DST: variants seen among roughly 807,000 people sequenced by gnomAD.
The protein encoded by DST is bullous pemphigoid antigen.
Under a neutral mutation model 875.2 loss-of-function variants are expected in DST, and 253 were observed. That is an observed-to-expected ratio of 0.29 (90% CI 0.26 to 0.32). DST has a LOEUF of 0.32. Ranked by LOEUF, DST falls within the 10% of genes least tolerant of loss-of-function variation. DST has a pLI of 1.00. For missense variants in DST, 8,287 were observed against 9,111.6 expected (o/e 0.91, Z 3.68); for synonymous variants, 3,124 against 3,197.1 (o/e 0.98, Z 0.77).
At chr6:56,843,879 C>A in intron 4 of DST, 1 of 187,274 alleles carries the variant, frequency 5.3e-6, no homozygotes, top group East Asian at 1.8e-4. Context: ...GGCCCCCTCC[C>A]CAGGCCCGCC....
At chr6:56,729,536 G>A (rs923624450) in intron 5 of DST, among the ~76,000 whole-genome samples, 2 of 151,854 alleles carry the variant, frequency 1.3e-5, no homozygotes, top group African/African-American at 4.8e-5. Flanking sequence ...ATTGCGGGGA[G>A]GCAGAGGTTG....
chr6:56,943,413 A>ATTTCCT (rs1173275279), intron 2 of DST, among the ~76,000 whole-genome samples: 9 of 146,724 alleles, frequency 6.1e-5, no homozygotes, highest in African/African-American at 2.3e-4. Flanking sequence ...TTTTCAACTC[A>ATTTCCT]TTTTCTTTTT....
chr6:56,518,239 A>T (rs1338397577), intron 69 of DST, among the ~76,000 whole-genome samples: 1 of 152,190 alleles, frequency 6.6e-6, no homozygotes, highest in African/African-American at 2.4e-5. Flanking sequence ...TTTCCTGATC[A>T]TAACAGTAAT....
Position 56,604,412 on chromosome 6 carries a change from G to C in DST, c.10216C>G (p.Pro3406Ala), listed in dbSNP as rs1218783084. Reference protein sequence around the residue: ...SQLVNEASTVPSDSQMSDSSG... With the variant: ...SQLVNEASTVASDSQMSDSSG... ...GAGTCACTCATTTGAGAGTCGCTGG[G>C]CACAGTAGATGCCTCATTTACCAAC... Residue 3406 changes from proline to alanine, a missense_variant, in exon 40 of 104, where the codon CCC (proline) becomes GCC (alanine). This residue lies in a region of DST where 3,138 missense variants were observed against 3,116.6 expected (regional missense o/e 1.01). Transcript: ENST00000680361. 6.2e-7 allele frequency: 1 copy of C among 1,610,232 alleles called. No individual in the cohort carries two copies. The highest frequency in any genetic ancestry group is 2.2e-5 in the East Asian group (1 of 44,724).
chr6:56,596,421 C>T (rs1362637919), intron 47 of DST, among the ~76,000 whole-genome samples: 1 of 152,154 alleles, frequency 6.6e-6, no homozygotes, highest in Non-Finnish European at 1.5e-5. Context: ...CAAGGGCTTT[C>T]CTGTGTGATA....
Position 56,487,071 on chromosome 6 carries a change from A to G in DST, c.21047+33T>C, listed in dbSNP as rs759550403. Reference sequence around the variant, plus strand: ...TACTGTGTATTTGAAAGAGGTCTACAGAGTAACCAAACTGTCTTAAAGAAC... The same window carrying G: ...TACTGTGTATTTGAAAGAGGTCTACGGAGTAACCAAACTGTCTTAAAGAAC... On this transcript the variant is annotated intron_variant, in intron 87 of 103. Coordinates refer to ENST00000680361, the MANE Select transcript of DST (RefSeq NM_001374736.1). The G allele has an allele frequency of 1.3e-5, 21 of 1,609,290 alleles. No homozygotes were observed. The East Asian group carries it at 3.8e-4, about 29-fold the overall frequency.
At chr6:56,756,074 C>T (rs2099602122) in intron 4 of DST, among the ~76,000 whole-genome samples, 3 of 152,172 alleles carry the variant, frequency 2.0e-5, no homozygotes, top group African/African-American at 7.2e-5. Context: ...GGAGTCAAGA[C>T]TAATTTTTCC....
intron 4 of DST, chr6:56,851,155 T>C (rs1466009081): frequency 3.8e-6 from 2 of 532,006 alleles, no homozygotes; most frequent in Non-Finnish European, 3.3e-6. Flanking sequence ...TTTCCTTGCA[T>C]TTCAAAGGAA....
In DST at chr6:56,600,164, G is replaced by C; in HGVS notation, c.11599C>G (p.Leu3867Val). 1.9e-6 allele frequency: 3 copies of C among 1,613,078 alleles called. No homozygotes were observed. Among genetic ancestry groups the C allele is most frequent in the Non-Finnish European group, 2.5e-6 (3 of 1,179,236 alleles). ...ATTAGGCGGTTTTCAGTTTGGGTAA[G>C]AAGATCACATATCCCTTGGAGTTTC... ...KEKLQGICDL[L>V]TQTENRLIGH... The change falls in exon 45 of 104, where the codon CTT becomes GTT. Residue 3867 changes from leucine (L) to valine (V), a missense_variant. Leu to Val is a conservative substitution (Grantham distance 32). Coordinates refer to ENST00000680361, the MANE Select transcript of DST (RefSeq NM_001374736.1).
chr6:56,476,807 C>T (rs955075126), intron 91 of DST, among the ~76,000 whole-genome samples: 2 of 152,068 alleles, frequency 1.3e-5, no homozygotes, highest in Non-Finnish European at 2.9e-5. Context: ...AAAAAATTAG[C>T]TGGGCATGGT....
chr6:56,718,016 T>C (rs1272903046), intron 5 of DST, among the ~76,000 whole-genome samples: 1 of 151,980 alleles, frequency 6.6e-6, no homozygotes, highest in Non-Finnish European at 1.5e-5. Flanking sequence ...GAGGCTTAGG[T>C]GGGAAAATTG....
intron 4 of DST, among the ~76,000 whole-genome samples, chr6:56,825,502 T>TAAA (rs749148452): frequency 3.3e-4 from 36 of 109,308 alleles, no homozygotes; most frequent in East Asian, 5.4e-4. Flanking sequence ...CAATAAATAC[T>TAAA]AAAAAAAAAA....
In DST at chr6:56,561,497, A is replaced by T. The variant is rs2097535155; in HGVS notation, c.14121T>A (p.Asp4707Glu). ...DMTDISHGYE[D>E]LGLLLKDKIA... is the part of the protein sequence containing the mutation. ...TTTTGTCCTTGAGTAAGAGGCCAAGATCTTCATAACCATGACTTATGTCAG... is the reference window on the plus strand; with the variant it reads ...TTTTGTCCTTGAGTAAGAGGCCAAGTTCTTCATAACCATGACTTATGTCAG... The change falls in exon 57 of 104, where the codon GAT (aspartate) becomes GAA (glutamate). Residue 4707 changes from aspartate (D) to glutamate (E), a missense_variant. Physicochemically the swap from Asp to Glu is conservative, Grantham distance 45 (BLOSUM62 2). Transcript: ENST00000680361. The T allele has an allele frequency of 1.2e-6, 2 of 1,613,670 alleles. No individual in the cohort carries two copies. Among genetic ancestry groups the T allele is most frequent in the African/African-American group, 1.3e-5 (1 of 74,902 alleles).
chr6:56,669,053 A>C (rs1398017186), intron 10 of DST, among the ~76,000 whole-genome samples: 1 of 152,026 alleles, frequency 6.6e-6, no homozygotes, highest in Non-Finnish European at 1.5e-5. Context: ...GATAATAACA[A>C]TTCCTGCTTT....
chr6:56,827,242 G>A (rs552557954), intron 4 of DST, among the ~76,000 whole-genome samples: 58 of 152,184 alleles, frequency 3.8e-4, no homozygotes, highest in Non-Finnish European at 6.9e-4. Context: ...AGGGCCGGGC[G>A]CGGTGGCTCT....
chr6:56,720,404 A>T (rs990641790), intron 5 of DST, among the ~76,000 whole-genome samples: 2 of 136,128 alleles, frequency 1.5e-5, no homozygotes, highest in African/African-American at 5.7e-5. Context: ...TCTCGGAGAG[A>T]GGGATTTGGC....
At chr6:56,865,250 T>C (rs890270844) in intron 3 of DST, among the ~76,000 whole-genome samples, 1 of 150,412 alleles carries the variant, frequency 6.6e-6, no homozygotes, top group Non-Finnish European at 1.5e-5. Flanking sequence ...CCTCCCTGCT[T>C]CCCTAGTTTT....
intron 69 of DST, among the ~76,000 whole-genome samples, chr6:56,522,800 T>C (rs1583931717): frequency 6.8e-6 from 1 of 146,508 alleles, no homozygotes; most frequent in African/African-American, 2.4e-5. Flanking sequence ...AAGATATACA[T>C]ATTTTAGCAA....
At chr6:56,928,787 A>C (rs1295034679) in intron 2 of DST, among the ~76,000 whole-genome samples, 1 of 152,144 alleles carries the variant, frequency 6.6e-6, no homozygotes, top group African/African-American at 2.4e-5. Flanking sequence ...AGAAACTACA[A>C]ACGGAAGACA....
Sources: allele counts gnomAD v4.1 joint callset (sites outside exome capture counted in the v4.1 genomes callset), GRCh38; gene constraint gnomAD v4.1.1; regional missense constraint gnomAD v4.1.1; transcripts MANE v1.5; gene names NCBI Gene and HGNC (gene_info 2026-07-23, HGNC 2026-07-21).